The following CADPS2 variants were observed in gnomAD, a reference collection of about 807,000 sequenced individuals.
CADPS2 encodes calcium-dependent secretion activator 2.
In CADPS2, 93 loss-of-function variants were observed where a neutral mutation model predicts 172.5. The observed-to-expected ratio is 0.54, with a 90% CI of 0.46 to 0.64. The LOEUF is 0.64. Among genes scored for constraint, CADPS2 ranks in the 30% least tolerant of loss-of-function variants. The probability of loss-of-function intolerance (pLI) is 0.00; values close to 1 mark genes in which losing one functional copy is unlikely to be tolerated. For synonymous variants in CADPS2, 546 were observed against 555.2 expected (o/e 0.98, Z 0.23); for missense variants, 1,420 against 1,565.9 (o/e 0.91, Z 1.57).
intron 20 of CADPS2, among the ~76,000 whole-genome samples, chr7:122,400,843 C>A (rs1019175276): frequency 6.6e-6 from 1 of 152,204 alleles, no homozygotes; most frequent in Non-Finnish European, 1.5e-5. Context: ...GAATAACACG[C>A]AGGTGTCAGC....
chr7:122,596,937 T>A (rs1178456067), intron 6 of CADPS2, among the ~76,000 whole-genome samples: 1 of 152,018 alleles, frequency 6.6e-6, no homozygotes, highest in East Asian at 1.9e-4. Context: ...AGTGAGGGCA[T>A]CAGGCTGCTT....
intron 2 of CADPS2, among the ~76,000 whole-genome samples, chr7:122,706,753 A>G (rs557758382): frequency 7.3e-4 from 105 of 144,810 alleles, no homozygotes; most frequent in African/African-American, 2.0e-3. Flanking sequence ...CAAGGAATAT[A>G]TATATATATA....
At chr7:122,635,925 C>T (rs2077026454) in intron 3 of CADPS2, among the ~76,000 whole-genome samples, 1 of 6,880 alleles carries the variant, frequency 1.5e-4, no homozygotes, top group Non-Finnish European at 3.6e-4. Flanking sequence ...ATAGCAGCTC[C>T]CACATTTTTT....
chr7:122,438,920 C>T (rs1023625588), intron 16 of CADPS2, among the ~76,000 whole-genome samples: 1 of 140,366 alleles, frequency 7.1e-6, no homozygotes, highest in Non-Finnish European at 1.6e-5. Context: ...TAAGCATAAT[C>T]TTTGAGCTCT....
At chr7:122,675,506 G>A (rs769583853) in intron 2 of CADPS2, among the ~76,000 whole-genome samples, 18 of 152,150 alleles carry the variant, frequency 1.2e-4, no homozygotes, top group Non-Finnish European at 2.4e-4. Flanking sequence ...AAATTATCCA[G>A]TCTATCACTG....
At chr7:122,412,148 T>C (rs1357246740) in intron 19 of CADPS2, among the ~76,000 whole-genome samples, 1 of 152,208 alleles carries the variant, frequency 6.6e-6, no homozygotes, top group African/African-American at 2.4e-5. Flanking sequence ...TGAGGGACAT[T>C]TGTTGGTCAG....
At chr7:122,640,204 G>T (rs886082767) in intron 3 of CADPS2, among the ~76,000 whole-genome samples, 1 of 152,068 alleles carries the variant, frequency 6.6e-6, no homozygotes, top group African/African-American at 2.4e-5. Context: ...GCGAAACCTA[G>T]AACCACATAG....
intron 1 of CADPS2, among the ~76,000 whole-genome samples, chr7:122,781,066 T>C (rs1792578678): frequency 6.6e-6 from 1 of 152,214 alleles, no homozygotes; most frequent in Admixed American, 6.5e-5. Flanking sequence ...ACACTCATGA[T>C]TATTAATTAA....
intron 1 of CADPS2, among the ~76,000 whole-genome samples, chr7:122,879,703 T>C (rs1822352722): frequency 6.6e-6 from 1 of 152,166 alleles, no homozygotes; most frequent in Non-Finnish European, 1.5e-5. Context: ...TTTGCCCCAG[T>C]AATATTTTCA....
At chr7:122,579,946 G>A (rs1309675244) in intron 7 of CADPS2, among the ~76,000 whole-genome samples, 4 of 152,038 alleles carry the variant, frequency 2.6e-5, no homozygotes, top group Non-Finnish European at 5.9e-5. Context: ...GAGTATAAAG[G>A]AGGTAGAAGA....
At chr7:122,463,640 A>G (rs985480528) in intron 14 of CADPS2, among the ~76,000 whole-genome samples, 1 of 152,190 alleles carries the variant, frequency 6.6e-6, no homozygotes, top group African/African-American at 2.4e-5. Context: ...TTACACATCT[A>G]ACATAAGAAG....
intron 2 of CADPS2, among the ~76,000 whole-genome samples, chr7:122,734,142 C>T (rs1464071709): frequency 6.6e-6 from 1 of 151,146 alleles, no homozygotes; most frequent in Non-Finnish European, 1.5e-5. Context: ...TTTTAATTAG[C>T]TATGCAGTAT....
chr7:122,811,316 C>T (rs969431287), intron 1 of CADPS2, among the ~76,000 whole-genome samples: 1 of 152,106 alleles, frequency 6.6e-6, no homozygotes, highest in Admixed American at 6.5e-5. Context: ...CCAAGTTAAT[C>T]TGGAGGGGTG....
intron 15 of CADPS2, 57 bp downstream of exon 15, chr7:122,451,317 A>C: frequency 3.3e-6 from 3 of 897,668 alleles, no homozygotes; most frequent in Non-Finnish European, 4.8e-6. Context: ...TTTTGGGGGA[A>C]GTAAGGGTTG....
intron 27 of CADPS2, among the ~76,000 whole-genome samples, chr7:122,352,495 G>C (rs1054221841): frequency 1.3e-5 from 2 of 152,176 alleles, no homozygotes; most frequent in Non-Finnish European, 2.9e-5. Flanking sequence ...TTACATAAGA[G>C]AGAAAAGCCA....
intron 7 of CADPS2, among the ~76,000 whole-genome samples, chr7:122,563,340 C>A (rs1195374312): frequency 6.6e-6 from 1 of 152,066 alleles, no homozygotes; most frequent in East Asian, 1.9e-4. Context: ...TTTCTTTTTA[C>A]TAGTCTGATT....
intron 1 of CADPS2, among the ~76,000 whole-genome samples, chr7:122,763,969 A>C (rs2093469749): frequency 6.6e-6 from 1 of 152,138 alleles, no homozygotes; most frequent in South Asian, 2.1e-4. Context: ...AAAGTGTATA[A>C]ATTCAACTTG....
Position 122,874,007 on chromosome 7 carries a change from G to T in CADPS2, c.339+11992C>A, listed in dbSNP as rs183975742. Among the ~76,000 whole-genome samples, 70 of 149,156 alleles carry T rather than the reference G, an allele frequency of 4.7e-4. 1 individual carries two copies. The highest frequency in any genetic ancestry group is 1.8e-3 in the East Asian group (9 of 5,098). On this transcript the variant is annotated intron_variant, in intron 1 of 29. Coordinates refer to ENST00000449022, the MANE Select transcript of CADPS2 (RefSeq NM_017954.11). ...ATATCCTTCACCCACTTTTTGATGG[G>T]TTTTTTTTTTCTTGTAAATTTGTTT...
intron 6 of CADPS2, among the ~76,000 whole-genome samples, chr7:122,613,788 T>C (rs530022746): frequency 6.6e-6 from 1 of 152,090 alleles, no homozygotes; most frequent in Non-Finnish European, 1.5e-5. Flanking sequence ...TGTGACTAGG[T>C]CACAAAAGTA....
Sources: gnomAD v4.1 joint callset for allele counts (sites outside exome capture counted in the v4.1 genomes callset) on GRCh38, gnomAD v4.1.1 for gene constraint, MANE v1.5 for transcripts, NCBI Gene and HGNC (gene_info 2026-07-23, HGNC 2026-07-21) for gene names.